MYO1H: variants seen among roughly 807,000 people sequenced by gnomAD.
MYO1H encodes unconventional myosin-Ih.
Under a neutral mutation model 149.3 loss-of-function variants are expected in MYO1H, and 118 were observed. The ratio of observed to expected loss-of-function variants is 0.79; its 90% CI spans 0.68 to 0.92. MYO1H has a LOEUF of 0.92. MYO1H is among the 40% of genes least tolerant of loss of function. MYO1H has a pLI of 0.00. For missense variants in MYO1H, 1,212 were observed against 1,280.7 expected, an observed-to-expected ratio of 0.95 and a Z score of 0.82; for synonymous variants, 447 against 465.2, an observed-to-expected ratio of 0.96 and a Z score of 0.50.
At chr12:109,332,785 G>A in the MYO1H span, among the ~76,000 whole-genome samples, 4,310 of 152,202 alleles carry the variant, frequency 0.028, 193 homozygotes, top group African/African-American at 0.099. Flanking sequence ...GTCTCACTAT[G>A]TTGCCCAAAA....
intron 8 of MYO1H, among the ~76,000 whole-genome samples, chr12:109,406,465 CT>C (rs140769445): frequency 4.2e-4 from 13 of 31,076 alleles, no homozygotes; most frequent in East Asian, 8.6e-4. Context: ...GACCCTATCT[CT>C]TAAAAAAAAA....
the MYO1H span, among the ~76,000 whole-genome samples, chr12:109,333,951 ATTAC>A: frequency 4.6e-4 from 70 of 152,066 alleles, no homozygotes; most frequent in Middle Eastern, 6.8e-3. Context: ...AATTTTATTT[ATTAC>A]TTATATATTT....
intron 1 of MYO1H, among the ~76,000 whole-genome samples, chr12:109,359,790 T>G (rs1378814891): frequency 6.6e-6 from 1 of 152,240 alleles, no homozygotes; most frequent in Non-Finnish European, 1.5e-5. Flanking sequence ...ATGGATTATC[T>G]GCAAGCGTTT....
intron 15 of MYO1H, 27 bp from the exon 16 acceptor site, chr12:109,420,953 CA>C: frequency 4.5e-6 from 6 of 1,339,122 alleles, no homozygotes; most frequent in Non-Finnish European, 5.3e-6. Context: ...GACATTGATT[CA>C]AAAAATTTTT....
chr12:109,443,685 G>A, intron 28 of MYO1H, 36 bp downstream of exon 28: 1 of 1,610,062 alleles, frequency 6.2e-7, no homozygotes, highest in Non-Finnish European at 8.5e-7. Context: ...AATGCACTGA[G>A]TTGACTCAAC....
At chr12:109,407,135 C>T (rs73407513) in intron 9 of MYO1H, among the ~76,000 whole-genome samples, 5,986 of 152,132 alleles carry the variant, frequency 0.039, 371 homozygotes, top group African/African-American at 0.14. Flanking sequence ...ACACTGTTCC[C>T]GGTGCTTTAT....
At chr12:109,405,403 C>G (rs1002581365) in intron 7 of MYO1H, among the ~76,000 whole-genome samples, 1 of 152,130 alleles carries the variant, frequency 6.6e-6, no homozygotes, top group Non-Finnish European at 1.5e-5. Flanking sequence ...CTCCGCCTCC[C>G]GGGTTCAAGC....
exon 22 of MYO1H, chr12:109,436,522 A>G: frequency 6.2e-7 from 1 of 1,611,352 alleles, no homozygotes; most frequent in East Asian, 2.2e-5. Context: ...AACGCTGCCT[A>G]GGAAGGAGAG....
chr12:109,359,393 GA>G (rs1300783684), intron 1 of MYO1H: 1 of 152,148 alleles, frequency 6.6e-6, no homozygotes, highest in Non-Finnish European at 1.5e-5. Context: ...GGCATAACAA[GA>G]AAGGGTTGCA....
rs1555253508 is a variant in MYO1H, at chr12:109,418,696, C to CA, written c.1598-2285_1598-2284insA. Reference sequence around the variant, plus strand: ...CCCTAGTAGCTGGGACTACAGGCACCCCACGCCCGGCTAGTTTTTTGTATT... The same window carrying CA: ...CCCTAGTAGCTGGGACTACAGGCACCACCACGCCCGGCTAGTTTTTTGTATT... On this transcript the variant is annotated intron_variant, in intron 15 of 31. Coordinates refer to ENST00000310903, the Ensembl canonical transcript of MYO1H. Among the ~76,000 whole-genome samples, 141 of 152,104 alleles carry CA rather than the reference C, an allele frequency of 9.3e-4. 2 individuals are homozygous for CA. The highest frequency in any genetic ancestry group is 2.9e-3 in the African/African-American group (122 of 41,504).
At chr12:109,318,967 G>GTTTTTGT in the MYO1H span, among the ~76,000 whole-genome samples, 3 of 79,594 alleles carry the variant, frequency 3.8e-5, no homozygotes, top group African/African-American at 6.0e-5. Flanking sequence ...TGCGTTTTTG[G>GTTTTTGT]TTTTGTTTTT....
chr12:109,388,937 AGG>A, intron 2 of MYO1H, 93 bp downstream of exon 2: 1 of 1,420,526 alleles, frequency 7.0e-7, no homozygotes, highest in Non-Finnish European at 9.5e-7. Flanking sequence ...GCACTCTATT[AGG>A]TTAGACATTA....
At chr12:109,329,318 A>G in the MYO1H span, among the ~76,000 whole-genome samples, 4 of 152,310 alleles carry the variant, frequency 2.6e-5, no homozygotes, top group African/African-American at 9.6e-5. Flanking sequence ...AGAGTTGAGT[A>G]GTTGTAACAG....
chr12:109,379,425 G>GTGCTAT (rs1869153749), intron 1 of MYO1H, among the ~76,000 whole-genome samples: 1 of 152,166 alleles, frequency 6.6e-6, no homozygotes, highest in African/African-American at 2.4e-5. Flanking sequence ...GATTTTCTGT[G>GTGCTAT]TGCTATTGAG....
At chr12:109,395,624 A>G (rs961122590) in intron 3 of MYO1H, among the ~76,000 whole-genome samples, 62 of 151,734 alleles carry the variant, frequency 4.1e-4, no homozygotes, top group African/African-American at 1.4e-3. Context: ...AATCCCAGCT[A>G]CTCGGGAGAC....
chr12:109,447,092 A>T, intron 31 of MYO1H, 67 bp from the exon 32 acceptor site: 1 of 1,477,562 alleles, frequency 6.8e-7, no homozygotes, highest in Non-Finnish European at 9.3e-7. Context: ...AGTTGAGGTG[A>T]TAACTGTTTC....
At chr12:109,404,288 G>A (rs1309007215) in intron 7 of MYO1H, among the ~76,000 whole-genome samples, 1 of 152,062 alleles carries the variant, frequency 6.6e-6, no homozygotes, top group Non-Finnish European at 1.5e-5. Context: ...GACCAGCCTG[G>A]CCAACATGGT....
At chr12:109,356,905 A>T (rs1397283787) in intron 1 of MYO1H, among the ~76,000 whole-genome samples, 2 of 152,204 alleles carry the variant, frequency 1.3e-5, no homozygotes, top group Non-Finnish European at 2.9e-5. Context: ...AAAACTTGCA[A>T]TATTATCATT....
At chr12:109,415,467 C>T (rs1040143390) in intron 14 of MYO1H, 59 bp from the exon 15 acceptor site, 19 of 1,483,890 alleles carry the variant, frequency 1.3e-5, no homozygotes, top group Admixed American at 4.0e-5. Flanking sequence ...CAGAGCAAGA[C>T]GCCATCTCAA....
Sources: gnomAD v4.1 joint callset for allele counts (sites outside exome capture counted in the v4.1 genomes callset) on GRCh38, gnomAD v4.1.1 for gene constraint, MANE v1.5 for transcripts, NCBI Gene and HGNC (gene_info 2026-07-23, HGNC 2026-07-21) for gene names.